WNK2: variants seen among roughly 807,000 people sequenced by gnomAD.
The protein encoded by WNK2 is serine/threonine-protein kinase WNK2.
In WNK2, 67 loss-of-function variants were observed where a neutral mutation model predicts 192.1. The observed-to-expected ratio is 0.35, with a 90% CI of 0.29 to 0.43. The LOEUF (loss-of-function observed/expected upper bound fraction) is 0.43. Among genes scored for constraint, WNK2 ranks in the 20% least tolerant of loss-of-function variants. WNK2 has a pLI of 1.00. For missense variants in WNK2, 2,698 were observed against 3,089.7 expected (o/e 0.87, Z 3.01); for synonymous variants, 1,439 against 1,393.9 (o/e 1.03, Z -0.72).
chr9:93,261,777 C>T (rs1392055946), intron 12 of WNK2, 37 bp from the exon 13 acceptor site: 12 of 1,557,184 alleles, frequency 7.7e-6, no homozygotes, highest in Non-Finnish European at 8.7e-6. Flanking sequence ...GAAGGCAGCG[C>T]CGGCCCTGAC....
rs891272205 is a variant in WNK2 at position 93,268,798 on chromosome 9, T to G, written c.4033+52T>G. On this transcript the variant is annotated intron_variant, in intron 19 of 29. Coordinates refer to ENST00000427277, the MANE Select transcript of WNK2 (RefSeq NM_006648.4). ...CCCCTCCCTGTTTCATGTACAGGCC[T>G]CCTTCTGTGCATGACCCAGCCGGTA... 14 of 1,588,744 alleles carry G rather than the reference T, an allele frequency of 8.8e-6. No individual in the cohort carries two copies. The Admixed American group carries it at 1.4e-4, about 16-fold the overall frequency.
intron 2 of WNK2, among the ~76,000 whole-genome samples, chr9:93,195,293 G>T (rs1490812763): frequency 1.3e-5 from 2 of 152,028 alleles, no homozygotes; most frequent in East Asian, 3.8e-4. Context: ...CCTGTGTGTG[G>T]GTGTGAGGGA....
chr9:93,259,468 C>T lies in WNK2; in HGVS notation c.2920C>T (p.Arg974Trp), dbSNP rs758959446. Residue 974 changes from arginine to tryptophan, a missense_variant, in exon 12 of 30, where the codon CGG becomes TGG. Physicochemically the swap from Arg to Trp is moderately radical, Grantham distance 101. This residue lies in a region of WNK2 where 893 missense variants were observed against 909.0 expected (regional missense o/e 0.98). Transcript: ENST00000427277. This position sits in a 1 kb window ranked among gnomAD's most constrained non-coding sequence, Gnocchi z 4.8. ...ACCTGTGTTGCCCCCGCAACCCACA[C>T]GGCCCCCTCAACCTGTGCTGCCCCC... ...PQPVLPPQPT[R>W]PPQPVLPPQP... 15 of 1,486,208 alleles carry T rather than the reference C, an allele frequency of 1.0e-5. No homozygotes were observed. Among genetic ancestry groups the T allele is most frequent in the East Asian group, 4.9e-5 (2 of 40,834 alleles). 92.1% of individuals were successfully genotyped at this position (1,486,208 alleles called of 1,614,324 possible).
chr9:93,226,949 A>G (rs530621316), intron 2 of WNK2, among the ~76,000 whole-genome samples: 32 of 152,126 alleles, frequency 2.1e-4, no homozygotes, highest in African/African-American at 7.2e-4. Context: ...TTATGGACTT[A>G]TGTTTTCCTT....
chr9:93,308,633 G>A, intron 28 of WNK2, 49 bp downstream of exon 28: 1 of 1,504,222 alleles, frequency 6.6e-7, no homozygotes, highest in Non-Finnish European at 8.9e-7. Context: ...GGGTAGCCTT[G>A]CCTCCAGCAT....
chr9:93,272,662 C>T (rs1012535377), intron 19 of WNK2, among the ~76,000 whole-genome samples: 37 of 140,972 alleles, frequency 2.6e-4, no homozygotes, highest in Admixed American at 1.6e-4. Context: ...CACTTGAACC[C>T]GAGAGGCGGC....
rs1461994744 is a variant in WNK2, at chr9:93,257,549, G to A, written c.2382+410G>A. ...GCCCATCTGCCCTCAGCTTACCCATGTGCCCAGGCTCATCCAGGATAGGAA... is the reference window on the plus strand; with the variant it reads ...GCCCATCTGCCCTCAGCTTACCCATATGCCCAGGCTCATCCAGGATAGGAA... On this transcript the variant is annotated intron_variant, in intron 11 of 29. Transcript: ENST00000427277. The surrounding 1 kb of genome is among the most constrained non-coding windows in gnomAD (Gnocchi z 4.7). Among the ~76,000 whole-genome samples the A allele has an allele frequency of 6.6e-6, 1 of 152,208 alleles. No homozygotes were observed. The highest frequency in any genetic ancestry group is 2.4e-5 in the African/African-American group (1 of 41,456).
At chr9:93,225,783 C>T (rs558788383) in intron 2 of WNK2, among the ~76,000 whole-genome samples, 7 of 152,334 alleles carry the variant, frequency 4.6e-5, no homozygotes, top group African/African-American at 1.7e-4. Flanking sequence ...GAATTGTAAA[C>T]TGACATGCTG....
rs376186031 is a variant in WNK2, at chr9:93,268,049, C to T, written c.3897C>T (p.Pro1299=). 3.7e-5 allele frequency: 59 copies of T among 1,611,668 alleles called. No individual in the cohort carries two copies. The highest frequency in any genetic ancestry group is 2.1e-4 in the African/African-American group (16 of 74,830). Residue 1299 remains proline (P), a synonymous_variant, in exon 18 of 30, where the codon CCC becomes CCT. Coordinates refer to ENST00000427277, the MANE Select transcript of WNK2 (RefSeq NM_006648.4). ...GCCGACAATCCCAAGCCAACGCCCC[C>T]GTGTATCAGCAGAACGGTGAGTCTG... is the stretch of plus-strand genomic sequence containing the variant. ...EESRQSQANA[P]VYQQNVLHTG...
chr9:93,238,452 G>A (rs902468988), intron 6 of WNK2, 131 bp downstream of exon 6: 10 of 824,200 alleles, frequency 1.2e-5, no homozygotes, highest in African/African-American at 6.8e-5. Flanking sequence ...TCTGGGGCAC[G>A]TTAGCAGGGG....
At chr9:93,277,382 C>G (rs1183686684) in intron 19 of WNK2, among the ~76,000 whole-genome samples, 1 of 152,136 alleles carries the variant, frequency 6.6e-6, no homozygotes, top group African/African-American at 2.4e-5. Context: ...AAAATGAAAA[C>G]TTATGTTCAC....
At chr9:93,312,054 C>T (rs940571190) in intron 28 of WNK2, among the ~76,000 whole-genome samples, 7 of 152,150 alleles carry the variant, frequency 4.6e-5, no homozygotes, top group African/African-American at 1.7e-4. Flanking sequence ...TTGGCTGTTT[C>T]TATGTCTTCC....
chr9:93,276,892 C>T (rs893492601), intron 19 of WNK2, among the ~76,000 whole-genome samples: 4 of 152,006 alleles, frequency 2.6e-5, no homozygotes, highest in East Asian at 1.9e-4. Context: ...AAAAATTAGC[C>T]GGCCGTGGTG....
chr9:93,261,706 G>A (rs2132956287), intron 12 of WNK2, 108 bp from the exon 13 acceptor site: 2 of 1,329,828 alleles, frequency 1.5e-6, no homozygotes, highest in East Asian at 4.7e-5. Context: ...GTGGTCTGGA[G>A]AGGGGTGTTC....
At position 93,292,908 on chromosome 9, in the gene WNK2, C is replaced by T. The variant is rs778353751; in HGVS notation, c.5443C>T (p.Arg1815Trp). Residue 1815 changes from arginine to tryptophan, a missense_variant, in exon 23 of 30, where the codon CGG (arginine) becomes TGG (tryptophan). By Grantham distance (101) the Arg-to-Trp change is moderately radical (BLOSUM62 -3). Coordinates refer to ENST00000427277, the MANE Select transcript of WNK2 (RefSeq NM_006648.4). Reference protein sequence around the residue: ...VSSDSGDEGPRARPPVQKQAS... With the variant: ...VSSDSGDEGPWARPPVQKQAS... ...CAGCGACTCTGGGGACGAGGGCCCT[C>T]GGGCGAGACCCCCGGTGCAGAAGCA... is the stretch of plus-strand genomic sequence containing the variant. The T allele has an allele frequency of 1.1e-5, 16 of 1,520,906 alleles. No homozygotes were observed. The highest frequency in any genetic ancestry group is 1.8e-4 in the Middle Eastern group (1 of 5,664). 94.2% of individuals were successfully genotyped at this position (1,520,906 alleles called of 1,614,324 possible).
At position 93,239,634 on chromosome 9, in the gene WNK2, A is replaced by G; in HGVS notation, c.1323-123A>G. On this transcript the variant is annotated intron_variant, in intron 6 of 29. Transcript: ENST00000427277. This position sits in a 1 kb window ranked among gnomAD's most constrained non-coding sequence, Gnocchi z 4.2. ...TCTTTACCCCTGGGAGTGCTGAGAC[A>G]TGAGGCCTGGCCTCAGGCTCCTGCA... 1.3e-6 allele frequency: 1 copy of G among 769,016 alleles called. No individual in the cohort carries two copies. The highest frequency in any genetic ancestry group is 2.1e-6 in the Non-Finnish European group (1 of 480,332). 47.6% of individuals were successfully genotyped at this position (769,016 alleles called of 1,614,324 possible). A position where few individuals can be genotyped will look rare whatever the true frequency, so the allele number is the denominator to read the frequency against.
intron 26 of WNK2, among the ~76,000 whole-genome samples, chr9:93,301,634 C>G (rs1281174063): frequency 6.6e-6 from 1 of 152,170 alleles, no homozygotes; most frequent in East Asian, 1.9e-4. Context: ...GGCTGTGGTT[C>G]CTTCTCCGCA....
intron 2 of WNK2, among the ~76,000 whole-genome samples, chr9:93,209,691 C>T (rs897769359): frequency 1.1e-4 from 17 of 152,192 alleles, no homozygotes; most frequent in African/African-American, 4.1e-4. Flanking sequence ...GGACTAGGAC[C>T]TCTGAGCCAG....
At position 93,292,778 on chromosome 9, in the gene WNK2, C is replaced by A. The variant is rs112181735; in HGVS notation, c.5313C>A (p.Pro1771=). The A allele has an allele frequency of 2.6e-6, 4 of 1,557,706 alleles. No individual in the cohort carries two copies. In the African/African-American group the frequency reaches 5.5e-5, roughly 21 times the overall value. The stretch of plus-strand genomic sequence containing the variant: ...ACAGCCTGAGATACTCTGCCCCACC[C>A]GACGTCTACCTGGACGAGGCCCCCT... ...SPHSLRYSAP[P]DVYLDEAPSS... is the part of the protein sequence containing the mutation. The change falls in exon 23 of 30, where the codon CCC becomes CCA. Residue 1771 remains proline (P), a synonymous_variant. Coordinates refer to ENST00000427277, the MANE Select transcript of WNK2 (RefSeq NM_006648.4).
Sources: allele counts gnomAD v4.1 joint callset (sites outside exome capture counted in the v4.1 genomes callset), GRCh38; gene constraint gnomAD v4.1.1; regional missense constraint gnomAD v4.1.1; non-coding constraint Gnocchi (gnomAD v3.1); transcripts MANE v1.5; gene names NCBI Gene and HGNC (gene_info 2026-07-23, HGNC 2026-07-21).